EXT1: variants seen among roughly 807,000 people sequenced by gnomAD.
EXT1 encodes the protein exostosin glycosyltransferase 1.
EXT1 carries 20 observed loss-of-function variants against 82.5 expected under a neutral mutation model. That is an observed-to-expected ratio of 0.24 (90% CI 0.17 to 0.35). The LOEUF is 0.35. Ranked by LOEUF, EXT1 falls within the 10% of genes least tolerant of loss-of-function variation. The pLI is 1.00. For missense variants in EXT1, 757 were observed against 936.5 expected, an observed-to-expected ratio of 0.81 and a Z score of 2.50; for synonymous variants, 348 against 350.8, an observed-to-expected ratio of 0.99 and a Z score of 0.09.
chr8:117,955,646 C>T (rs1394320553), intron 1 of EXT1, among the ~76,000 whole-genome samples: 1 of 152,042 alleles, frequency 6.6e-6, no homozygotes, highest in East Asian at 1.9e-4. Context: ...ACCTCCACCT[C>T]CCGGGTTCAA....
intron 1 of EXT1, among the ~76,000 whole-genome samples, chr8:117,911,362 A>G (rs1247100255): frequency 1.3e-5 from 2 of 152,198 alleles, no homozygotes; most frequent in Non-Finnish European, 2.9e-5. Flanking sequence ...AGAGGCTCTG[A>G]TAAGTGATTA....
intron 1 of EXT1, among the ~76,000 whole-genome samples, chr8:117,867,776 A>G (rs1482860525): frequency 6.6e-6 from 1 of 152,212 alleles, no homozygotes; most frequent in Non-Finnish European, 1.5e-5. Context: ...GAACATAAAC[A>G]TACCTATCAA....
rs559293971 is a variant in EXT1 at position 117,866,585 on chromosome 8, G to A, written c.963-29384C>T. ...AGAACTGACTGTACAGGTGTAAAGT[G>A]TGATGATTTATGCAGGAACTAGCTA... On this transcript the variant is annotated intron_variant, in intron 1 of 10. Transcript: ENST00000378204. Among the ~76,000 whole-genome samples, 7 of 152,328 alleles carry A rather than the reference G, an allele frequency of 4.6e-5. No homozygotes were observed. The South Asian group carries it at 1.5e-3, about 32-fold the overall frequency.
chr8:118,108,955 T>C (rs1817842976), intron 1 of EXT1, among the ~76,000 whole-genome samples: 1 of 152,218 alleles, frequency 6.6e-6, no homozygotes, highest in Admixed American at 6.5e-5. Flanking sequence ...AGCACAAGGC[T>C]GCTCTGGTTT....
Position 118,110,272 on chromosome 8 carries a change from G to A in EXT1, c.775C>T (p.Leu259Phe). The A allele has an allele frequency of 6.2e-7, 1 of 1,614,142 alleles. No homozygotes were observed. The highest frequency in any genetic ancestry group is 8.5e-7 in the Non-Finnish European group (1 of 1,180,036). ...TTGAATACCAGCATGTACTTCCTGA[G>A]AGGAGGGATGGTGTTGAACTTCAAA... ...GFLKFNTIPP[L>F]RKYMLVFKGK... The change falls in exon 1 of 11, where the codon CTC becomes TTC. Residue 259 changes from leucine (L) to phenylalanine (F), a missense_variant. Leu to Phe is a conservative substitution (Grantham distance 22). Coordinates refer to ENST00000378204, the MANE Select transcript of EXT1 (RefSeq NM_000127.3).
Position 118,110,622 on chromosome 8 carries a change from C to G in EXT1, c.425G>C (p.Arg142Thr). ...QNILAAIEGS[R>T]FYTSDPSQAC... is the part of the protein sequence containing the mutation. The stretch of plus-strand genomic sequence containing the variant: ...CTGGCTGGGGTCCGAGGTGTAGAAC[C>G]TGGAGCCCTCGATGGCCGCTAGAAT... Residue 142 changes from arginine (R) to threonine (T), a missense_variant, in exon 1 of 11, where the codon AGG (arginine) becomes ACG (threonine). Arg to Thr is a moderately conservative substitution (Grantham distance 71). Around this residue, in one of 4 missense-constraint regions of EXT1, gnomAD observed 247 missense variants for 330.1 expected, o/e 0.75. Coordinates refer to ENST00000378204, the MANE Select transcript of EXT1 (RefSeq NM_000127.3). The G allele has an allele frequency of 2.5e-6, 4 of 1,614,138 alleles. No homozygotes were observed. Among genetic ancestry groups the G allele is most frequent in the Non-Finnish European group, 3.4e-6 (4 of 1,180,028 alleles).
chr8:117,892,896 G>C (rs987373738), intron 1 of EXT1, among the ~76,000 whole-genome samples: 2 of 152,212 alleles, frequency 1.3e-5, no homozygotes, highest in Admixed American at 6.5e-5. Flanking sequence ...CAGAGAAAAG[G>C]CTCGCTTTTT....
intron 10 of EXT1, among the ~76,000 whole-genome samples, chr8:117,803,605 A>C (rs1383240503): frequency 6.6e-6 from 1 of 152,200 alleles, no homozygotes; most frequent in African/African-American, 2.4e-5. Context: ...GGGGTGTACA[A>C]GGACAAGCAG....
intron 1 of EXT1, among the ~76,000 whole-genome samples, chr8:117,956,886 C>CA (rs1339129758): frequency 3.3e-5 from 5 of 152,084 alleles, no homozygotes; most frequent in Non-Finnish European, 5.9e-5. Flanking sequence ...AGAGTGGGCA[C>CA]AAGATACCCG....
chr8:117,943,016 A>C (rs909743247), intron 1 of EXT1, among the ~76,000 whole-genome samples: 3 of 152,186 alleles, frequency 2.0e-5, no homozygotes, highest in Non-Finnish European at 4.4e-5. Flanking sequence ...GTTGCTACTC[A>C]CATTTATAAT....
chr8:117,950,636 G>A (rs1814474313), intron 1 of EXT1, among the ~76,000 whole-genome samples: 1 of 152,200 alleles, frequency 6.6e-6, no homozygotes, highest in Non-Finnish European at 1.5e-5. Flanking sequence ...TGTCCCTTTA[G>A]GGCTTACCCT....
At chr8:118,024,475 C>T (rs1816167757) in intron 1 of EXT1, among the ~76,000 whole-genome samples, 1 of 151,514 alleles carries the variant, frequency 6.6e-6, no homozygotes, top group Non-Finnish European at 1.5e-5. Context: ...TACGGAGATC[C>T]TATTATATTC....
At chr8:118,100,810 G>C (rs1817703828) in intron 1 of EXT1, among the ~76,000 whole-genome samples, 1 of 152,038 alleles carries the variant, frequency 6.6e-6, no homozygotes, top group Non-Finnish European at 1.5e-5. Context: ...GTCAACCTGG[G>C]AACCTGAAGG....
At chr8:118,073,521 T>A (rs1367675871) in intron 1 of EXT1, among the ~76,000 whole-genome samples, 1 of 152,282 alleles carries the variant, frequency 6.6e-6, no homozygotes, top group South Asian at 2.1e-4. Context: ...CTCAGGAGTC[T>A]GAGGCACAAG....
intron 1 of EXT1, among the ~76,000 whole-genome samples, chr8:118,011,273 A>C (rs747935569): frequency 6.6e-6 from 1 of 152,198 alleles, no homozygotes; most frequent in Non-Finnish European, 1.5e-5. Flanking sequence ...AATGGAAGCT[A>C]CAAAGAGGCA....
intron 1 of EXT1, among the ~76,000 whole-genome samples, chr8:117,977,617 A>T (rs954747184): frequency 1.3e-5 from 2 of 152,194 alleles, no homozygotes; most frequent in African/African-American, 4.8e-5. Context: ...ATAAAAGGGG[A>T]GAATAATATA....
intron 1 of EXT1, among the ~76,000 whole-genome samples, chr8:118,068,886 T>TA (rs1335888225): frequency 6.6e-5 from 10 of 152,308 alleles, no homozygotes; most frequent in African/African-American, 2.2e-4. Flanking sequence ...GCTGTTGTGT[T>TA]ACTGCTGTTA....
At chr8:117,853,883 A>G (rs1172254057) in intron 1 of EXT1, among the ~76,000 whole-genome samples, 1 of 152,270 alleles carries the variant, frequency 6.6e-6, no homozygotes. Flanking sequence ...TCTACGAAGA[A>G]GGAAAACCAT....
At chr8:117,816,600 T>C (rs747747334) in intron 7 of EXT1, among the ~76,000 whole-genome samples, 2 of 152,152 alleles carry the variant, frequency 1.3e-5, no homozygotes, top group Non-Finnish European at 2.9e-5. Context: ...TAGATGCAGC[T>C]GGGAGGATCT....
Sources: gnomAD v4.1 joint callset for allele counts (sites outside exome capture counted in the v4.1 genomes callset) on GRCh38, gnomAD v4.1.1 for gene constraint, gnomAD v4.1.1 regional missense constraint, MANE v1.5 for transcripts, NCBI Gene and HGNC (gene_info 2026-07-23, HGNC 2026-07-21) for gene names.